CPED1: variants seen among roughly 807,000 people sequenced by gnomAD.
The protein encoded by CPED1 is cadherin like and PC-esterase domain containing 1, also known as cadherin-like and PC-esterase domain-containing protein 1.
CPED1 carries 114 observed loss-of-function variants against 128.2 expected under a neutral mutation model. The ratio of observed to expected loss-of-function variants is 0.89; its 90% CI spans 0.76 to 1.04. The LOEUF (loss-of-function observed/expected upper bound fraction) is 1.04, where lower values mean the gene tolerates loss of function less well. Among genes scored for constraint, CPED1 ranks in the 50% least tolerant of loss-of-function variants. CPED1 has a pLI of 0.00. For missense variants in CPED1, 1,211 were observed against 1,207.1 expected (o/e 1.00, Z -0.05); for synonymous variants, 462 against 426.7 (o/e 1.08, Z -1.02).
chr7:121,023,017 CA>C (rs948939769), intron 3 of CPED1, among the ~76,000 whole-genome samples: 108 of 141,170 alleles, frequency 7.7e-4, no homozygotes, highest in East Asian at 1.2e-3. Flanking sequence ...AGTAAGTGGC[CA>C]AAAAAAAAAA....
chr7:121,221,938 A>G (rs569078584), intron 16 of CPED1, among the ~76,000 whole-genome samples: 1 of 152,236 alleles, frequency 6.6e-6, no homozygotes, highest in African/African-American at 2.4e-5. Context: ...TTTCTTTGCC[A>G]TGCAGAAGCC....
intron 16 of CPED1, among the ~76,000 whole-genome samples, chr7:121,145,522 A>G (rs1335915235): frequency 6.6e-6 from 1 of 152,110 alleles, no homozygotes; most frequent in Non-Finnish European, 1.5e-5. Flanking sequence ...AGAAAGTGTC[A>G]AATGAGTGAA....
chr7:121,041,281 T>A (rs905266117), intron 3 of CPED1, among the ~76,000 whole-genome samples: 3 of 152,144 alleles, frequency 2.0e-5, no homozygotes, highest in African/African-American at 7.2e-5. Flanking sequence ...TCAGTCACTA[T>A]TGTAGGTACT....
chr7:121,219,849 C>A (rs1797839587), intron 16 of CPED1, among the ~76,000 whole-genome samples: 1 of 152,016 alleles, frequency 6.6e-6, no homozygotes, highest in Admixed American at 6.6e-5. Context: ...TAACACCCAG[C>A]ATTGAAGCTT....
intron 12 of CPED1, among the ~76,000 whole-genome samples, chr7:121,131,962 GTT>G (rs34040961): frequency 2.8e-5 from 4 of 141,392 alleles, no homozygotes; most frequent in African/African-American, 2.6e-5. Flanking sequence ...TGGGGGTAAT[GTT>G]TTTTTTTTTT....
intron 18 of CPED1, among the ~76,000 whole-genome samples, chr7:121,265,368 C>T (rs564460835): frequency 1.1e-4 from 16 of 152,112 alleles, no homozygotes; most frequent in African/African-American, 3.9e-4. Flanking sequence ...TGAATCAAAC[C>T]TCACAATTCT....
At chr7:121,160,257 A>G (rs1796384546) in intron 16 of CPED1, among the ~76,000 whole-genome samples, 1 of 152,178 alleles carries the variant, frequency 6.6e-6, no homozygotes, top group African/African-American at 2.4e-5. Flanking sequence ...TCACTATTGC[A>G]TCAGAATAGT....
chr7:121,274,692 C>T (rs1251663361), intron 22 of CPED1, among the ~76,000 whole-genome samples: 1 of 152,082 alleles, frequency 6.6e-6, no homozygotes, highest in Non-Finnish European at 1.5e-5. Flanking sequence ...ACAATTTGTA[C>T]CCCTTGTACC....
At chr7:121,181,491 A>G (rs1171324083) in intron 16 of CPED1, among the ~76,000 whole-genome samples, 1 of 149,870 alleles carries the variant, frequency 6.7e-6, no homozygotes, top group African/African-American at 2.4e-5. Flanking sequence ...CTCAAAAAAT[A>G]TTGCTGTGAT....
In CPED1 at chr7:121,142,045, C is replaced by T. The variant is rs760065505; in HGVS notation, c.1959C>T (p.His653=). The change falls in exon 16 of 23, where the codon CAC becomes CAT. Residue 653 remains histidine, a synonymous_variant. Coordinates refer to ENST00000310396, the MANE Select transcript of CPED1 (RefSeq NM_024913.5). ...SIFVVDESPA[H]GETLITYKLT... is the part of the protein sequence containing the mutation. ...TTGTTGTGGATGAATCTCCAGCACACGGTGAGACTCTGATCACGTACAAAC... is the reference window on the plus strand; with the variant it reads ...TTGTTGTGGATGAATCTCCAGCACATGGTGAGACTCTGATCACGTACAAAC... 14 of 1,612,412 alleles carry T rather than the reference C, an allele frequency of 8.7e-6. No homozygotes were observed. Among genetic ancestry groups the T allele is most frequent in the Admixed American group, 3.3e-5 (2 of 59,856 alleles).
At chr7:121,089,512 C>T (rs757179728) in intron 5 of CPED1, among the ~76,000 whole-genome samples, 19 of 152,082 alleles carry the variant, frequency 1.2e-4, no homozygotes, top group Middle Eastern at 3.4e-3. Context: ...AGCCATGACC[C>T]CTAGTGTTTG....
At chr7:120,996,450 G>T (rs573445001) in intron 2 of CPED1, among the ~76,000 whole-genome samples, 1 of 152,228 alleles carries the variant, frequency 6.6e-6, no homozygotes, top group South Asian at 2.1e-4. Flanking sequence ...CTTGTTCACA[G>T]CCCTTATTCA....
intron 3 of CPED1, among the ~76,000 whole-genome samples, chr7:121,046,543 A>G (rs1793205572): frequency 6.6e-6 from 1 of 151,926 alleles, no homozygotes; most frequent in Non-Finnish European, 1.5e-5. Flanking sequence ...CCAAATCTAC[A>G]AAAAAAGACT....
chr7:121,047,050 C>A, intron 4 of CPED1, 57 bp downstream of exon 4: 1 of 1,043,914 alleles, frequency 9.6e-7, no homozygotes, highest in Non-Finnish European at 1.5e-6. Flanking sequence ...TTAACACTGG[C>A]ATTTCCTGGT....
rs140203269 is a variant in CPED1 at position 121,210,895 on chromosome 7, G to A, written c.2056-25819G>A. On this transcript the variant is annotated intron_variant, in intron 16 of 22. Transcript: ENST00000310396. ...CTGATGTGATTATTACACATTGTAT[G>A]GCTATATCAAAATCTCATGTATCCT... Among the ~76,000 whole-genome samples, 828 of 151,824 alleles carry A rather than the reference G, an allele frequency of 5.5e-3. 7 individuals are homozygous for A. The highest frequency in any genetic ancestry group is 0.018 in the African/African-American group (763 of 41,434).
rs1471888476 is a variant in CPED1, at chr7:121,267,239, G to A, written c.2658G>A (p.Val886=). The change falls in exon 21 of 23, where the codon GTG becomes GTA. Residue 886 remains valine, a synonymous_variant. Transcript: ENST00000310396. ...LKRENLLNIL[V]IIKTLGIGFH... Reference sequence around the variant, plus strand: ...GGGAAAATTTACTCAATATCCTAGTGATCATCAAAACTTTGGGAATTGGAT... The same window carrying A: ...GGGAAAATTTACTCAATATCCTAGTAATCATCAAAACTTTGGGAATTGGAT... 1.3e-6 allele frequency: 2 copies of A among 1,597,928 alleles called. No homozygotes were observed. The highest frequency in any genetic ancestry group is 2.2e-5 in the South Asian group (2 of 89,688).
chr7:121,000,886 G>A (rs73221230), intron 2 of CPED1, among the ~76,000 whole-genome samples: 6,289 of 152,098 alleles, frequency 0.041, 208 homozygotes, highest in Middle Eastern at 0.065. Context: ...GTTGGAAAAC[G>A]TAACTAACCC....
At chr7:121,256,005 G>C (rs1791852327) in intron 18 of CPED1, among the ~76,000 whole-genome samples, 1 of 149,900 alleles carries the variant, frequency 6.7e-6, no homozygotes, top group African/African-American at 2.5e-5. Context: ...CAGATTCAAT[G>C]CTCTTCCTAT....
chr7:121,193,528 T>G (rs1330612613), intron 16 of CPED1, among the ~76,000 whole-genome samples: 1 of 152,144 alleles, frequency 6.6e-6, no homozygotes, highest in Admixed American at 6.6e-5. Context: ...TTTAATTGCT[T>G]CTTCTCATGG....
Sources: allele counts gnomAD v4.1 joint callset (sites outside exome capture counted in the v4.1 genomes callset), GRCh38; gene constraint gnomAD v4.1.1; transcripts MANE v1.5; gene names NCBI Gene and HGNC (gene_info 2026-07-23, HGNC 2026-07-21).